Variants in GNAL observed in about 807,000 individuals in gnomAD.
The protein encoded by GNAL is G protein subunit alpha L, also known as guanine nucleotide-binding protein G(olf) subunit alpha.
A neutral mutation model predicts 55.1 loss-of-function variants in GNAL; 18 were observed. The observed-to-expected ratio is 0.33, with a 90% confidence interval of 0.23 to 0.48. GNAL has a LOEUF of 0.48. Ranked by LOEUF, GNAL falls within the 20% of genes least tolerant of loss-of-function variation. The pLI is 0.99. For missense variants in GNAL, 412 were observed against 614.1 expected (o/e 0.67, Z 3.48); for synonymous variants, 253 against 237.0 (o/e 1.07, Z -0.62).
intron 5 of GNAL, among the ~76,000 whole-genome samples, chr18:11,849,249 C>CCCAG (rs1221025703): frequency 6.6e-6 from 1 of 152,194 alleles, no homozygotes; most frequent in Non-Finnish European, 1.5e-5. Flanking sequence ...CGCCTATAAT[C>CCCAG]CCAGCACTTT....
At chr18:11,849,501 CAA>C (rs71172025) in intron 5 of GNAL, among the ~76,000 whole-genome samples, 87 of 130,500 alleles carry the variant, frequency 6.7e-4, no homozygotes, top group African/African-American at 2.3e-3. Context: ...GATTTCATCT[CAA>C]AAAAAAAAAA....
chr18:11,766,519 A>G (rs796123872), intron 4 of GNAL, among the ~76,000 whole-genome samples: 7 of 152,328 alleles, frequency 4.6e-5, no homozygotes, highest in African/African-American at 1.7e-4. Context: ...TTTCAACAGA[A>G]TGGTTGGCCT....
Position 11,815,939 on chromosome 18 carries a change from T to G in GNAL, c.625-8979T>G, listed in dbSNP as rs139375675. On this transcript the variant is annotated intron_variant, in intron 4 of 11. Transcript: ENST00000334049. ...AAAACCACAACGAGATACCACTACATGCCCACTAGAATAATTAAAATTAAG... is the reference window on the plus strand; with the variant it reads ...AAAACCACAACGAGATACCACTACAGGCCCACTAGAATAATTAAAATTAAG... Among the ~76,000 whole-genome samples, 539 of 152,292 alleles carry G rather than the reference T, an allele frequency of 3.5e-3. 4 individuals carry two copies. Among genetic ancestry groups the G allele is most frequent in the Middle Eastern group, 0.021 (6 of 292 alleles).
At chr18:11,814,336 C>G (rs1485708508) in intron 4 of GNAL, among the ~76,000 whole-genome samples, 1 of 152,062 alleles carries the variant, frequency 6.6e-6, no homozygotes, top group Non-Finnish European at 1.5e-5. Context: ...ACCAGTCTGA[C>G]CAACGTGGTG....
intron 1 of GNAL, among the ~76,000 whole-genome samples, chr18:11,717,239 A>G (rs1281113482): frequency 6.6e-6 from 1 of 152,214 alleles, no homozygotes; most frequent in Non-Finnish European, 1.5e-5. Context: ...CCCACCCGGA[A>G]GTCACACTGG....
At chr18:11,776,929 C>G (rs945403439) in intron 4 of GNAL, among the ~76,000 whole-genome samples, 1 of 151,884 alleles carries the variant, frequency 6.6e-6, no homozygotes, top group Non-Finnish European at 1.5e-5. Context: ...GAGGTCATCC[C>G]AAGAATGCAA....
At chr18:11,737,382 A>AT (rs1410921646) in intron 1 of GNAL, among the ~76,000 whole-genome samples, 1 of 152,012 alleles carries the variant, frequency 6.6e-6, no homozygotes, top group East Asian at 1.9e-4. Context: ...ATCCTAAGGC[A>AT]TTTTCTCATC....
At chr18:11,713,933 G>T (rs1013408223) in intron 1 of GNAL, among the ~76,000 whole-genome samples, 1 of 152,216 alleles carries the variant, frequency 6.6e-6, no homozygotes, top group Admixed American at 6.5e-5. Context: ...TTCACACTGA[G>T]GTCTAAAGGG....
intron 11 of GNAL, among the ~76,000 whole-genome samples, chr18:11,879,794 G>A (rs1484505313): frequency 6.6e-6 from 1 of 152,158 alleles, no homozygotes; most frequent in Non-Finnish European, 1.5e-5. Flanking sequence ...GTCTAACCCT[G>A]TTTCTCAGGT....
At chr18:11,824,476 T>G (rs919949180) in intron 4 of GNAL, among the ~76,000 whole-genome samples, 4 of 151,964 alleles carry the variant, frequency 2.6e-5, no homozygotes, top group Non-Finnish European at 5.9e-5. Flanking sequence ...TCACTTGAGG[T>G]CAGGAGTTCG....
At chr18:11,843,239 C>T (rs1435493903) in intron 5 of GNAL, among the ~76,000 whole-genome samples, 3 of 152,104 alleles carry the variant, frequency 2.0e-5, no homozygotes, top group African/African-American at 7.2e-5. Context: ...TGGCTCACGC[C>T]TGTAATCCTA....
intron 1 of GNAL, chr18:11,746,692 A>G: frequency 3.9e-6 from 1 of 255,660 alleles, no homozygotes; most frequent in Non-Finnish European, 7.9e-6. Context: ...GCTCCATTTT[A>G]TTAGGGGCTT....
chr18:11,730,682 C>A (rs2032318791), intron 1 of GNAL, among the ~76,000 whole-genome samples: 2 of 151,962 alleles, frequency 1.3e-5, no homozygotes. Context: ...GAAAATCTCT[C>A]AAACACAGGA....
At chr18:11,772,132 A>C (rs1335465877) in intron 4 of GNAL, among the ~76,000 whole-genome samples, 1 of 152,126 alleles carries the variant, frequency 6.6e-6, no homozygotes, top group Non-Finnish European at 1.5e-5. Context: ...GGACTTTTTT[A>C]TTACACTTGC....
chr18:11,737,215 A>G (rs907497796), intron 1 of GNAL, among the ~76,000 whole-genome samples: 2 of 152,216 alleles, frequency 1.3e-5, no homozygotes, highest in African/African-American at 2.4e-5. Context: ...TAAAAAATAC[A>G]TTTTGTTAAA....
At chr18:11,759,687 C>T (rs1365798504) in intron 4 of GNAL, among the ~76,000 whole-genome samples, 5 of 152,244 alleles carry the variant, frequency 3.3e-5, no homozygotes, top group Non-Finnish European at 7.3e-5. Flanking sequence ...AGCTTGGGCC[C>T]TGCATAGAGA....
intron 4 of GNAL, among the ~76,000 whole-genome samples, chr18:11,782,758 G>A (rs1292581909): frequency 1.3e-5 from 2 of 152,224 alleles, no homozygotes; most frequent in East Asian, 3.9e-4. Context: ...ATTCACCTGT[G>A]GTCCACATTA....
In GNAL at chr18:11,788,904, A is replaced by ATAT. The variant is rs1555650619; in HGVS notation, c.624+34959_624+34960insTAT. 8.8e-5 allele frequency among the ~76,000 whole-genome samples: 7 copies of ATAT among 79,674 alleles called. 1 individual carries two copies. Among genetic ancestry groups the ATAT allele is most frequent in the Admixed American group, 1.4e-4 (1 of 7,044 alleles). The allele number at this position is 79,674 out of a possible 152,430, so 52.3% of individuals were successfully genotyped here. ...AGAGCAAGACTCCGTCTCGAAAAAA[A>ATAT]AAAAAAAAAAATATATATATATATA... On this transcript the variant is annotated intron_variant, in intron 4 of 11. Coordinates refer to ENST00000334049, the MANE Select transcript of GNAL (RefSeq NM_182978.4).
chr18:11,691,909 C>T (rs1162216503), intron 1 of GNAL, among the ~76,000 whole-genome samples: 1 of 152,094 alleles, frequency 6.6e-6, no homozygotes, highest in Non-Finnish European at 1.5e-5. Context: ...TTTCAAGGAA[C>T]CAAATGCTTG....
Sources: gnomAD v4.1 joint callset for allele counts (sites outside exome capture counted in the v4.1 genomes callset) on GRCh38, gnomAD v4.1.1 for gene constraint, MANE v1.5 for transcripts, NCBI Gene and HGNC (gene_info 2026-07-23, HGNC 2026-07-21) for gene names.